The following TRIB1 variants were observed in gnomAD, a reference collection of about 807,000 sequenced individuals.
The protein encoded by TRIB1 is tribbles homolog 1.
Under a neutral mutation model 27.8 loss-of-function variants are expected in TRIB1, and 12 were observed. The ratio of observed to expected loss-of-function variants is 0.43; its 90% CI spans 0.28 to 0.70. TRIB1 has a LOEUF of 0.70. Ranked by LOEUF, TRIB1 falls within the 30% of genes least tolerant of loss-of-function variation. The pLI is 0.18. For missense variants in TRIB1, 475 were observed against 515.8 expected, an observed-to-expected ratio of 0.92 and a Z score of 0.77; for synonymous variants, 230 against 224.9, an observed-to-expected ratio of 1.02 and a Z score of -0.20.
At position 125,433,533 on chromosome 8, in the gene TRIB1, G is replaced by A. The variant is rs140863521; in HGVS notation, c.577G>A (p.Val193Ile). 5.6e-6 allele frequency: 9 copies of A among 1,613,944 alleles called. No homozygotes were observed. Among genetic ancestry groups the A allele is most frequent in the Non-Finnish European group, 7.6e-6 (9 of 1,179,850 alleles). The change falls in exon 2 of 3, where the codon GTC (valine) becomes ATC (isoleucine). Residue 193 changes from valine to isoleucine, a missense_variant. Physicochemically the swap from Val to Ile is conservative, Grantham distance 29. Coordinates refer to ENST00000311922, the MANE Select transcript of TRIB1 (RefSeq NM_025195.4). The surrounding 1 kb of genome is among the most constrained non-coding windows in gnomAD (Gnocchi z 4.4). Reference protein sequence around the residue: ...ARLFKQIVSAVAHCHQSAIVL... With the variant: ...ARLFKQIVSAIAHCHQSAIVL... ...GCTCTTCAAGCAGATTGTCTCCGCCGTCGCCCACTGCCACCAGTCAGCCAT... is the reference window on the plus strand; with the variant it reads ...GCTCTTCAAGCAGATTGTCTCCGCCATCGCCCACTGCCACCAGTCAGCCAT...
Position 125,430,805 on chromosome 8 carries a change from C to A in TRIB1, c.-98C>A, listed in dbSNP as rs1479525534. ...GACCAGTCTGCAAACTCCATCCCGCCGGCTGGAAGAAGTCGCGGAGCCGGC... is the reference window on the plus strand; with the variant it reads ...GACCAGTCTGCAAACTCCATCCCGCAGGCTGGAAGAAGTCGCGGAGCCGGC... On this transcript the variant is annotated 5_prime_UTR_variant, in exon 1 of 3. Transcript: ENST00000311922. 7 of 1,322,622 alleles carry A rather than the reference C, an allele frequency of 5.3e-6. No homozygotes were observed. The highest frequency in any genetic ancestry group is 4.8e-6 in the Non-Finnish European group (5 of 1,036,158). 81.9% of individuals were successfully genotyped at this position (1,322,622 alleles called of 1,614,324 possible).
rs1648825015 is a variant in TRIB1 at position 125,436,908 on chromosome 8, C to T, written c.*437C>T. The T allele has an allele frequency of 5.0e-6, 1 of 200,354 alleles. No individual in the cohort carries two copies. 12.4% of individuals were successfully genotyped at this position (200,354 alleles called of 1,614,324 possible). A position where few individuals can be genotyped will look rare whatever the true frequency, so the allele number is the denominator to read the frequency against. Reference sequence around the variant, plus strand: ...ATAAATCTGCCATCTTTGAACTCATCTTTGGTGGCTAGACTGCTACGGCAG... The same window carrying T: ...ATAAATCTGCCATCTTTGAACTCATTTTTGGTGGCTAGACTGCTACGGCAG... On this transcript the variant is annotated 3_prime_UTR_variant, in exon 3 of 3. Transcript: ENST00000311922.
Position 125,436,359 on chromosome 8 carries a change from C to G in TRIB1, c.1007C>G (p.Pro336Arg), listed in dbSNP as rs1030948982. 3 of 1,613,930 alleles carry G rather than the reference C, an allele frequency of 1.9e-6. No individual in the cohort carries two copies. Among genetic ancestry groups the G allele is most frequent in the Non-Finnish European group, 2.5e-6 (3 of 1,180,018 alleles). Residue 336 changes from proline (P) to arginine (R), a missense_variant, in exon 3 of 3, where the codon CCC (proline) becomes CGC (arginine). Physicochemically the swap from Pro to Arg is moderately radical, Grantham distance 103. Transcript: ENST00000311922. Reference sequence around the variant, plus strand: ...ACTGCCCCCGAGATCCTACTGCACCCCTGGTTTGAGTCCGTCTTGGAACCC... The same window carrying G: ...ACTGCCCCCGAGATCCTACTGCACCGCTGGTTTGAGTCCGTCTTGGAACCC... Reference protein sequence around the residue: ...RLTAPEILLHPWFESVLEPGY... With the variant: ...RLTAPEILLHRWFESVLEPGY...
intron 1 of TRIB1, among the ~76,000 whole-genome samples, chr8:125,432,610 G>C (rs1161321481): frequency 6.6e-6 from 1 of 152,178 alleles, no homozygotes; most frequent in East Asian, 1.9e-4. Flanking sequence ...CTCATTTCTA[G>C]GGGTGGGGTC....
chr8:125,436,112 C>G lies in TRIB1; in HGVS notation c.760C>G (p.Leu254Val). The G allele has an allele frequency of 5.6e-6, 9 of 1,614,198 alleles. No homozygotes were observed. Among genetic ancestry groups the G allele is most frequent in the Non-Finnish European group, 7.6e-6 (9 of 1,180,038 alleles). Residue 254 changes from leucine (L) to valine (V), a missense_variant, in exon 3 of 3, where the codon CTC (leucine) becomes GTC (valine). Physicochemically the swap from Leu to Val is conservative, Grantham distance 32. Coordinates refer to ENST00000311922, the MANE Select transcript of TRIB1 (RefSeq NM_025195.4). ...CCCAGCCTACGTGAGCCCTGAGATC[C>G]TCAACACCACTGGGACCTACTCCGG... is the stretch of plus-strand genomic sequence containing the variant. ...GCPAYVSPEI[L>V]NTTGTYSGKA...
rs151229265 is a variant in TRIB1 at position 125,436,245 on chromosome 8, G to A, written c.893G>A (p.Arg298His). 106 of 1,613,878 alleles carry A rather than the reference G, an allele frequency of 6.6e-5. No homozygotes were observed. Among genetic ancestry groups the A allele is most frequent in the Non-Finnish European group, 7.3e-5 (86 of 1,180,010 alleles). Reference protein sequence around the residue: ...DPSALFSKIRRGQFCIPEHIS... With the variant: ...DPSALFSKIRHGQFCIPEHIS... ...AGTGCCCTTTTCTCCAAAATTCGGC[G>A]TGGACAGTTCTGCATTCCTGAGCAC... The change falls in exon 3 of 3, where the codon CGT becomes CAT. Residue 298 changes from arginine to histidine, a missense_variant. Arg to His is a conservative substitution (Grantham distance 29). Coordinates refer to ENST00000311922, the MANE Select transcript of TRIB1 (RefSeq NM_025195.4).
chr8:125,437,234 C>G lies in TRIB1; in HGVS notation c.*763C>G, dbSNP rs941165282. On this transcript the variant is annotated 3_prime_UTR_variant, in exon 3 of 3. Transcript: ENST00000311922. ...CAGAACTCTGAGCTCAGAGAGACTC[C>G]AGATTTTAAAAAATAATTTGAGTGC... The G allele has an allele frequency of 6.6e-6, 1 of 152,318 alleles. No individual in the cohort carries two copies. Among genetic ancestry groups the G allele is most frequent in the African/African-American group, 2.4e-5 (1 of 41,426 alleles). The allele number at this position is 152,318 out of a possible 1,614,324, so 9.4% of individuals were successfully genotyped here.
rs1814691171 is a variant in TRIB1 at position 125,433,285 on chromosome 8, G to A, written c.361-32G>A. 2 of 1,594,282 alleles carry A rather than the reference G, an allele frequency of 1.3e-6. No individual in the cohort carries two copies. The highest frequency in any genetic ancestry group is 1.7e-6 in the Non-Finnish European group (2 of 1,165,636). Reference sequence around the variant, plus strand: ...TTGGGAGGCTGCCTTTGCTTTTCTAGCCCCCTAAACGGGCCCCCCTTCTCT... The same window carrying A: ...TTGGGAGGCTGCCTTTGCTTTTCTAACCCCCTAAACGGGCCCCCCTTCTCT... On this transcript the variant is annotated intron_variant, in intron 1 of 2. Coordinates refer to ENST00000311922, the MANE Select transcript of TRIB1 (RefSeq NM_025195.4). This position sits in a 1 kb window ranked among gnomAD's most constrained non-coding sequence, Gnocchi z 4.4.
chr8:125,432,524 C>T (rs1045490867), intron 1 of TRIB1, among the ~76,000 whole-genome samples: 4 of 152,024 alleles, frequency 2.6e-5, no homozygotes, highest in African/African-American at 9.7e-5. Flanking sequence ...CCAGTTGAGT[C>T]TAGGATATGA....
chr8:125,438,347 C>A lies in TRIB1; in HGVS notation c.*1876C>A, dbSNP rs1814790246. The stretch of plus-strand genomic sequence containing the variant: ...CTGTACATACGTGTATATATGTGAA[C>A]AGTGAGATGGCCGTTTCTGACTTGT... On this transcript the variant is annotated 3_prime_UTR_variant, in exon 3 of 3. Transcript: ENST00000311922. 1 of 152,326 alleles carries A rather than the reference C, an allele frequency of 6.6e-6. No individual in the cohort carries two copies. Among genetic ancestry groups the A allele is most frequent in the Admixed American group, 6.5e-5 (1 of 15,274 alleles). 9.4% of individuals were successfully genotyped at this position (152,326 alleles called of 1,614,324 possible).
Position 125,430,888 on chromosome 8 carries a change from C to G in TRIB1, c.-15C>G. ...CGGGACTTAAAAAGCCGGGGCCACC[C>G]CGGCCCAGGACGGGATGCGGGTCGG... On this transcript the variant is annotated 5_prime_UTR_variant, in exon 1 of 3. Coordinates refer to ENST00000311922, the MANE Select transcript of TRIB1 (RefSeq NM_025195.4). 7.1e-7 allele frequency: 1 copy of G among 1,401,688 alleles called. No homozygotes were observed. The allele number at this position is 1,401,688 out of a possible 1,614,324, so 86.8% of individuals were successfully genotyped here. A position where few individuals can be genotyped will look rare whatever the true frequency, so the allele number is the denominator to read the frequency against.
chr8:125,430,991 C>T lies in TRIB1; in HGVS notation c.89C>T (p.Pro30Leu). Residue 30 changes from proline to leucine, a missense_variant, in exon 1 of 3, where the codon CCG (proline) becomes CTG (leucine). Pro to Leu is a moderately conservative substitution (Grantham distance 98). Transcript: ENST00000311922. ...CTCTTCCCAGCCACCCGAGGCGTCC[C>T]GGCCAAACGCCTGCTGGACGCCGAC... ...ALLFPATRGV[P>L]AKRLLDADDA... The T allele has an allele frequency of 4.8e-6, 7 of 1,466,168 alleles. No homozygotes were observed. Among genetic ancestry groups the T allele is most frequent in the South Asian group, 1.3e-5 (1 of 76,094 alleles). 90.8% of individuals were successfully genotyped at this position (1,466,168 alleles called of 1,614,324 possible).
chr8:125,436,008 C>G lies in TRIB1; in HGVS notation c.656C>G (p.Thr219Ser). The change falls in exon 3 of 3, where the codon ACC becomes AGC. Residue 219 changes from threonine to serine, a missense_variant and splice_region_variant. Coordinates refer to ENST00000311922, the MANE Select transcript of TRIB1 (RefSeq NM_025195.4). ...RKFVFSTEER[T>S]QLRLESLEDT... ...GGCTTGGTTCCTCTCTCTTGCAGAA[C>G]CCAGCTTAGACTAGAAAGTCTAGAA... is the stretch of plus-strand genomic sequence containing the variant. 1 of 1,610,938 alleles carries G rather than the reference C, an allele frequency of 6.2e-7. No individual in the cohort carries two copies. The highest frequency in any genetic ancestry group is 1.1e-5 in the South Asian group (1 of 90,522).
Position 125,436,017 on chromosome 8 carries a change from G to A in TRIB1, c.665G>A (p.Arg222Lys), listed in dbSNP as rs1586849487. 1.2e-6 allele frequency: 2 copies of A among 1,613,782 alleles called. No homozygotes were observed. Among genetic ancestry groups the A allele is most frequent in the East Asian group, 2.2e-5 (1 of 44,876 alleles). ...VFSTEERTQLRLESLEDTHIM... is the reference protein window; with the variant it reads ...VFSTEERTQLKLESLEDTHIM... Reference sequence around the variant, plus strand: ...CCTCTCTCTTGCAGAACCCAGCTTAGACTAGAAAGTCTAGAAGACACACAC... The same window carrying A: ...CCTCTCTCTTGCAGAACCCAGCTTAAACTAGAAAGTCTAGAAGACACACAC... Residue 222 changes from arginine (R) to lysine (K), a missense_variant, in exon 3 of 3, where the codon AGA becomes AAA. Physicochemically the swap from Arg to Lys is conservative, Grantham distance 26. Transcript: ENST00000311922.
At position 125,433,323 on chromosome 8, in the gene TRIB1, C is replaced by G; in HGVS notation, c.367C>G (p.Pro123Ala). Residue 123 changes from proline to alanine, a missense_variant, in exon 2 of 3, where the codon CCC becomes GCC. By Grantham distance (27) the Pro-to-Ala change is conservative. Coordinates refer to ENST00000311922, the MANE Select transcript of TRIB1 (RefSeq NM_025195.4). The surrounding 1 kb of genome is among the most constrained non-coding windows in gnomAD (Gnocchi z 4.4). ...TGRELRCKVF[P>A]IKHYQDKIRP... ...GCCCCCCTTCTCTCTACAGGTGTTT[C>G]CCATTAAACACTACCAGGACAAAAT... is the stretch of plus-strand genomic sequence containing the variant. 1 of 1,612,700 alleles carries G rather than the reference C, an allele frequency of 6.2e-7. No individual in the cohort carries two copies. Among genetic ancestry groups the G allele is most frequent in the African/African-American group, 1.3e-5 (1 of 74,996 alleles).
At position 125,436,828 on chromosome 8, in the gene TRIB1, C is replaced by G. The variant is rs1814760410; in HGVS notation, c.*357C>G. The stretch of plus-strand genomic sequence containing the variant: ...CGAATGGGAGAAAAAGCAAATCGCA[C>G]AATGACATATTTTGAGTAATAACCG... On this transcript the variant is annotated 3_prime_UTR_variant, in exon 3 of 3. Transcript: ENST00000311922. 1 of 286,442 alleles carries G rather than the reference C, an allele frequency of 3.5e-6. No individual in the cohort carries two copies. Among genetic ancestry groups the G allele is most frequent in the Non-Finnish European group, 6.7e-6 (1 of 150,266 alleles). The allele number at this position is 286,442 out of a possible 1,614,324, so 17.7% of individuals were successfully genotyped here.
Position 125,436,494 on chromosome 8 carries a change from A to C in TRIB1, c.*23A>C. 1 of 1,606,250 alleles carries C rather than the reference A, an allele frequency of 6.2e-7. No individual in the cohort carries two copies. Among genetic ancestry groups the C allele is most frequent in the Non-Finnish European group, 8.5e-7 (1 of 1,174,082 alleles). ...TAATCCCCAAAACCTCAGAAACCTC[A>C]TAATTCTTAACACCTGGCATTTCCA... On this transcript the variant is annotated 3_prime_UTR_variant, in exon 3 of 3. Coordinates refer to ENST00000311922, the MANE Select transcript of TRIB1 (RefSeq NM_025195.4).
At chr8:125,432,105 C>T (rs1814666312) in intron 1 of TRIB1, 1 of 321,802 alleles carries the variant, frequency 3.1e-6, no homozygotes, top group African/African-American at 2.2e-5. Context: ...CTCCTTTTCA[C>T]CCGAAAGATA....
Position 125,430,762 on chromosome 8 carries a change from T to A in TRIB1, c.-141T>A. 1 of 1,150,582 alleles carries A rather than the reference T, an allele frequency of 8.7e-7. No homozygotes were observed. Among genetic ancestry groups the A allele is most frequent in the Non-Finnish European group, 1.1e-6 (1 of 893,984 alleles). 71.3% of individuals were successfully genotyped at this position (1,150,582 alleles called of 1,614,324 possible). A position where few individuals can be genotyped will look rare whatever the true frequency, so the allele number is the denominator to read the frequency against. The stretch of plus-strand genomic sequence containing the variant: ...CGGGGAGTGGCTCCTGCTTTGCCCC[T>A]CGTGGGGGCCGAGCCAAGACCAGTC... On this transcript the variant is annotated 5_prime_UTR_variant, in exon 1 of 3. Coordinates refer to ENST00000311922, the MANE Select transcript of TRIB1 (RefSeq NM_025195.4).
Sources: gnomAD v4.1 joint callset for allele counts (sites outside exome capture counted in the v4.1 genomes callset) on GRCh38, gnomAD v4.1.1 for gene constraint, Gnocchi (gnomAD v3.1) non-coding constraint, MANE v1.5 for transcripts, NCBI Gene and HGNC (gene_info 2026-07-23, HGNC 2026-07-21) for gene names.